HIPK3: variants seen among roughly 807,000 people sequenced by gnomAD.
HIPK3 encodes homeodomain interacting protein kinase 3.
In HIPK3, 47 loss-of-function variants were observed where a neutral mutation model predicts 124.2. The observed-to-expected ratio is 0.38, with a 90% CI of 0.30 to 0.48. HIPK3 has a LOEUF of 0.48. Ranked by LOEUF, HIPK3 falls within the 20% of genes least tolerant of loss-of-function variation. The probability of loss-of-function intolerance (pLI) is 0.98; values close to 1 mark genes in which losing one functional copy is unlikely to be tolerated. For missense variants in HIPK3, 1,286 were observed against 1,454.3 expected (o/e 0.88, Z 1.88); for synonymous variants, 482 against 515.2 (o/e 0.94, Z 0.87).
At chr11:33,336,071 T>A (rs1280272255) in intron 3 of HIPK3, among the ~76,000 whole-genome samples, 2 of 152,058 alleles carry the variant, frequency 1.3e-5, no homozygotes, top group East Asian at 3.9e-4. Context: ...TATTAGATAA[T>A]GAAAAGCGCA....
chr11:33,353,912 A>G lies in HIPK3; in HGVS notation c.*344A>G, dbSNP rs573826169. The G allele has an allele frequency of 3.8e-6, 1 of 261,024 alleles. No individual in the cohort carries two copies. The highest frequency in any genetic ancestry group is 9.8e-5 in the East Asian group (1 of 10,184). 16.2% of individuals were successfully genotyped at this position (261,024 alleles called of 1,614,324 possible). ...TCTGTGTACAGACTTAGAGCAACAG[A>G]TGCACATATGTCAGAATTACAGCAT... On this transcript the variant is annotated 3_prime_UTR_variant, in exon 17 of 17. Transcript: ENST00000303296.
chr11:33,309,642 A>G (rs1208497848), intron 2 of HIPK3, among the ~76,000 whole-genome samples: 2 of 152,232 alleles, frequency 1.3e-5, no homozygotes, highest in East Asian at 3.8e-4. Flanking sequence ...TTCAGATTAT[A>G]CAGCAAACAC....
intron 1 of HIPK3, among the ~76,000 whole-genome samples, chr11:33,283,511 C>T (rs896299785): frequency 1.3e-5 from 2 of 152,130 alleles, no homozygotes; most frequent in Non-Finnish European, 2.9e-5. Flanking sequence ...GTCAAGTCAA[C>T]TTAGGAATGT....
At position 33,275,887 on chromosome 11, in the gene HIPK3, CA is replaced by C. The variant is rs1304491441; in HGVS notation, c.-2-10525del. Reference sequence around the variant, plus strand: ...CTGGCAGATGATCCTAGGGACTCTTCATATGCCTGGCAATTCTAGACTTTGG... The same window carrying C: ...CTGGCAGATGATCCTAGGGACTCTTCTATGCCTGGCAATTCTAGACTTTGG... On this transcript the variant is annotated intron_variant, in intron 1 of 16. Coordinates refer to ENST00000303296, the MANE Select transcript of HIPK3 (RefSeq NM_005734.5). Among the ~76,000 whole-genome samples, 31 of 152,332 alleles carry C rather than the reference CA, an allele frequency of 2.0e-4. 1 individual carries two copies. The highest frequency in any genetic ancestry group is 6.7e-4 in the African/African-American group (28 of 41,582).
At chr11:33,325,873 A>G (rs150270390) in intron 2 of HIPK3, among the ~76,000 whole-genome samples, 69 of 152,340 alleles carry the variant, frequency 4.5e-4, no homozygotes, top group African/African-American at 1.6e-3. Context: ...TTATACCTAA[A>G]TATAATTAAT....
At chr11:33,344,854 A>G (rs1853446576) in intron 8 of HIPK3, among the ~76,000 whole-genome samples, 1 of 152,212 alleles carries the variant, frequency 6.6e-6, no homozygotes, top group African/African-American at 2.4e-5. Flanking sequence ...GGTAGATGTT[A>G]TATAGAAATT....
At chr11:33,272,058 G>T (rs1182076048) in intron 1 of HIPK3, among the ~76,000 whole-genome samples, 2 of 152,200 alleles carry the variant, frequency 1.3e-5, no homozygotes, top group Admixed American at 6.5e-5. Flanking sequence ...TTAATGATTA[G>T]ATGTAGTTAG....
At chr11:33,300,725 ATG>A (rs961183014) in intron 2 of HIPK3, among the ~76,000 whole-genome samples, 3 of 151,986 alleles carry the variant, frequency 2.0e-5, no homozygotes, top group African/African-American at 7.3e-5. Flanking sequence ...GTGGGTGTTT[ATG>A]TGTGTAGTAT....
rs765263227 is a variant in HIPK3 at position 33,348,779 on chromosome 11, C to T, written c.2627C>T (p.Thr876Ile). ...AVSVITISSD[T>I]DEEETSQRHS... ...AGTGTCATCACTATCAGCAGTGACA[C>T]TGATGAGGAAGAGACTTCCCAGAGA... The change falls in exon 13 of 17, where the codon ACT (threonine) becomes ATT (isoleucine). Residue 876 changes from threonine (T) to isoleucine (I), a missense_variant. Coordinates refer to ENST00000303296, the MANE Select transcript of HIPK3 (RefSeq NM_005734.5). The T allele has an allele frequency of 1.2e-6, 2 of 1,614,136 alleles. No homozygotes were observed. The highest frequency in any genetic ancestry group is 1.7e-6 in the Non-Finnish European group (2 of 1,179,982).
intron 2 of HIPK3, among the ~76,000 whole-genome samples, chr11:33,323,432 A>G (rs1852721958): frequency 6.6e-6 from 1 of 152,082 alleles, no homozygotes; most frequent in African/African-American, 2.4e-5. Flanking sequence ...TAGTAGAGAC[A>G]GAGTTTTACC....
chr11:33,290,413 T>C (rs1225147621), intron 2 of HIPK3, among the ~76,000 whole-genome samples: 1 of 152,002 alleles, frequency 6.6e-6, no homozygotes, highest in African/African-American at 2.4e-5. Context: ...AATAGTAGTT[T>C]TTGTTTTTTT....
intron 4 of HIPK3, among the ~76,000 whole-genome samples, chr11:33,337,609 G>A (rs535849875): frequency 1.3e-4 from 20 of 149,802 alleles, no homozygotes; most frequent in East Asian, 2.0e-4. Context: ...GCCCACCTCC[G>A]CCTCCCAACG....
In HIPK3 at chr11:33,338,802, G is replaced by A. The variant is rs1853240859; in HGVS notation, c.1387G>A (p.Ala463Thr). The A allele has an allele frequency of 6.2e-7, 1 of 1,612,968 alleles. No homozygotes were observed. The highest frequency in any genetic ancestry group is 1.3e-5 in the African/African-American group (1 of 74,864). Residue 463 changes from alanine to threonine, a missense_variant, in exon 5 of 17, where the codon GCC becomes ACC. Ala to Thr is a moderately conservative substitution (Grantham distance 58, BLOSUM62 0). Around this residue, in one of 3 missense-constraint regions of HIPK3, gnomAD observed 251 missense variants for 349.1 expected, o/e 0.72. Transcript: ENST00000303296. ...AGAGACAGGAATGAAGTCTAAAGAAGCCAGAAAATACATTTTCAACAGTCT... is the reference window on the plus strand; with the variant it reads ...AGAGACAGGAATGAAGTCTAAAGAAACCAGAAAATACATTTTCAACAGTCT... ...EAETGMKSKE[A>T]RKYIFNSLDD...
At position 33,348,243 on chromosome 11, in the gene HIPK3, A is replaced by G; in HGVS notation, c.2369+15A>G. 2 of 1,609,022 alleles carry G rather than the reference A, an allele frequency of 1.2e-6. No homozygotes were observed. Among genetic ancestry groups the G allele is most frequent in the Non-Finnish European group, 1.7e-6 (2 of 1,176,126 alleles). ...GCTTTCAGTTGGTAAGATTGTCTTT[A>G]TTGCCCTTTTGATTTATTATCTACC... On this transcript the variant is annotated intron_variant, in intron 12 of 16. Transcript: ENST00000303296.
chr11:33,331,110 T>C (rs1852968436), intron 3 of HIPK3, among the ~76,000 whole-genome samples: 1 of 152,048 alleles, frequency 6.6e-6, no homozygotes, highest in Non-Finnish European at 1.5e-5. Flanking sequence ...CTTAAACTCC[T>C]GATCTCAAAT....
chr11:33,275,883 T>G (rs1851257160), intron 1 of HIPK3, among the ~76,000 whole-genome samples: 1 of 152,236 alleles, frequency 6.6e-6, no homozygotes, highest in African/African-American at 2.4e-5. Flanking sequence ...TCCTAGGGAC[T>G]CTTCATATGC....
chr11:33,352,250 T>C lies in HIPK3; in HGVS notation c.3156T>C (p.His1052=). Residue 1052 remains histidine (H), a synonymous_variant, in exon 16 of 17, where the codon CAT becomes CAC. Coordinates refer to ENST00000303296, the MANE Select transcript of HIPK3 (RefSeq NM_005734.5). ...TGACATCAGCATTCCAGCAGCAGCATTTGAACTTCAGTCAGGTATGTTCAT... is the reference window on the plus strand; with the variant it reads ...TGACATCAGCATTCCAGCAGCAGCACTTGAACTTCAGTCAGGTATGTTCAT... ...QKLTSAFQQQ[H]LNFSQVQHFG... 8 of 1,614,032 alleles carry C rather than the reference T, an allele frequency of 5.0e-6. No homozygotes were observed. The highest frequency in any genetic ancestry group is 6.8e-6 in the Non-Finnish European group (8 of 1,179,918).
intron 1 of HIPK3, chr11:33,258,183 TG>T: frequency 1.6e-6 from 1 of 635,762 alleles, no homozygotes; most frequent in Non-Finnish European, 2.0e-6. Flanking sequence ...AAGCCGCGCC[TG>T]GCCGGGGCCC....
At chr11:33,262,674 G>A (rs550937997) in intron 1 of HIPK3, among the ~76,000 whole-genome samples, 2 of 152,178 alleles carry the variant, frequency 1.3e-5, no homozygotes, top group African/African-American at 4.8e-5. Flanking sequence ...ACTTGAGAAG[G>A]CTCTTTTCAA....
Sources: allele counts gnomAD v4.1 joint callset (sites outside exome capture counted in the v4.1 genomes callset), GRCh38; gene constraint gnomAD v4.1.1; regional missense constraint gnomAD v4.1.1; transcripts MANE v1.5; gene names NCBI Gene and HGNC (gene_info 2026-07-23, HGNC 2026-07-21).